Variants in DLGAP1 observed in about 807,000 individuals in gnomAD.
DLGAP1 encodes the protein disks large-associated protein 1.
DLGAP1 carries 11 observed loss-of-function variants against 90.8 expected under a neutral mutation model. The observed-to-expected ratio is 0.12, with a 90% CI of 0.08 to 0.20. DLGAP1 has a LOEUF of 0.20. DLGAP1 is among the 10% of genes least tolerant of loss of function. The probability of loss-of-function intolerance (pLI) is 1.00; values close to 1 mark genes in which losing one functional copy is unlikely to be tolerated. For missense variants in DLGAP1, 1,050 were observed against 1,333.8 expected (o/e 0.79, Z 3.31); for synonymous variants, 558 against 540.7 (o/e 1.03, Z -0.44).
intron 5 of DLGAP1, among the ~76,000 whole-genome samples, chr18:3,761,121 GGGTACAGTTCGGT>G (rs2063943869): frequency 5.3e-5 from 8 of 152,128 alleles, no homozygotes; most frequent in Admixed American, 5.2e-4. Context: ...ACCATTTTAA[GGGTACAGTTCGGT>G]GGCATTAAGG....
At chr18:4,249,599 T>C (rs1568471240) in intron 1 of DLGAP1, among the ~76,000 whole-genome samples, 1 of 152,186 alleles carries the variant, frequency 6.6e-6, no homozygotes, top group Admixed American at 6.5e-5. Context: ...ATTTATTTTT[T>C]TCTTTTGAGA....
intron 7 of DLGAP1, among the ~76,000 whole-genome samples, chr18:3,626,594 T>TTAAAAA (rs34579551): frequency 7.7e-6 from 1 of 130,550 alleles, no homozygotes; most frequent in Admixed American, 7.7e-5. Flanking sequence ...AAGAACCTGT[T>TTAAAAA]AAAAAAAAAA....
intron 2 of DLGAP1, among the ~76,000 whole-genome samples, chr18:4,079,758 A>T (rs1398691375): frequency 6.6e-6 from 1 of 151,900 alleles, no homozygotes; most frequent in African/African-American, 2.4e-5. Context: ...TTCTTCCCAT[A>T]GATACAACCC....
intron 5 of DLGAP1, among the ~76,000 whole-genome samples, chr18:3,758,306 C>A (rs1345892621): frequency 6.6e-6 from 1 of 152,114 alleles, no homozygotes; most frequent in Non-Finnish European, 1.5e-5. Flanking sequence ...TTGTCATTAA[C>A]TATTTGAAAG....
intron 2 of DLGAP1, among the ~76,000 whole-genome samples, chr18:4,014,814 A>C (rs1278150588): frequency 6.6e-6 from 1 of 152,180 alleles, no homozygotes; most frequent in Non-Finnish European, 1.5e-5. Context: ...CCCAGTAGAC[A>C]CTGCGGAAGT....
At chr18:3,839,299 G>A (rs550493989) in intron 4 of DLGAP1, among the ~76,000 whole-genome samples, 1 of 152,200 alleles carries the variant, frequency 6.6e-6, no homozygotes, top group African/African-American at 2.4e-5. Flanking sequence ...AAAATCAATA[G>A]ACTTATATTT....
chr18:3,801,986 T>G (rs1474754764), intron 5 of DLGAP1, among the ~76,000 whole-genome samples: 1 of 100,500 alleles, frequency 1.0e-5, no homozygotes, highest in Admixed American at 1.0e-4. Flanking sequence ...TTTGTTTGTT[T>G]GTTTGTTTGT....
chr18:4,260,119 G>T (rs2078974293), intron 1 of DLGAP1, among the ~76,000 whole-genome samples: 1 of 152,144 alleles, frequency 6.6e-6, no homozygotes, highest in African/African-American at 2.4e-5. Context: ...CTCCACCTCT[G>T]CCTAACATGA....
At chr18:4,372,742 C>A (rs2081941790) in intron 1 of DLGAP1, among the ~76,000 whole-genome samples, 1 of 151,990 alleles carries the variant, frequency 6.6e-6, no homozygotes, top group Non-Finnish European at 1.5e-5. Context: ...GCCTGGCCAA[C>A]ATGGTGAAAC....
intron 3 of DLGAP1, among the ~76,000 whole-genome samples, chr18:3,985,876 C>T (rs1434104548): frequency 6.6e-6 from 1 of 152,148 alleles, no homozygotes; most frequent in Non-Finnish European, 1.5e-5. Flanking sequence ...CTCTCTCCCT[C>T]CCCCAAGAGC....
intron 4 of DLGAP1, among the ~76,000 whole-genome samples, chr18:3,816,149 T>C (rs2067093832): frequency 6.6e-6 from 1 of 152,232 alleles, no homozygotes; most frequent in Admixed American, 6.5e-5. Flanking sequence ...CATATTTTTC[T>C]GTTTTTCTCA....
intron 3 of DLGAP1, among the ~76,000 whole-genome samples, chr18:3,885,721 T>A (rs1599106410): frequency 6.6e-6 from 1 of 152,222 alleles, no homozygotes; most frequent in Non-Finnish European, 1.5e-5. Flanking sequence ...ATTGTCCTTC[T>A]AAGTTCAATT....
chr18:4,035,002 T>C (rs2074864853), intron 2 of DLGAP1, among the ~76,000 whole-genome samples: 1 of 152,200 alleles, frequency 6.6e-6, no homozygotes, highest in Admixed American at 6.5e-5. Context: ...GCAAAGAACG[T>C]GAACTCATCC....
chr18:4,282,058 T>C (rs188325374), intron 1 of DLGAP1, among the ~76,000 whole-genome samples: 1 of 152,168 alleles, frequency 6.6e-6, no homozygotes, highest in East Asian at 1.9e-4. Flanking sequence ...TCTATGATAA[T>C]GTTTTCATTA....
chr18:3,801,061 G>C (rs1176815374), intron 5 of DLGAP1, among the ~76,000 whole-genome samples: 2 of 152,188 alleles, frequency 1.3e-5, no homozygotes, highest in Admixed American at 1.3e-4. Context: ...CACACGGTGA[G>C]AGCAAGGGAG....
intron 1 of DLGAP1, among the ~76,000 whole-genome samples, chr18:4,290,679 A>G (rs1269602165): frequency 6.6e-6 from 1 of 152,234 alleles, no homozygotes; most frequent in Non-Finnish European, 1.5e-5. Flanking sequence ...GTAAAACAAG[A>G]AAAGGCCATA....
intron 3 of DLGAP1, among the ~76,000 whole-genome samples, chr18:3,930,071 C>T (rs989974139): frequency 1.3e-5 from 2 of 152,166 alleles, no homozygotes; most frequent in African/African-American, 4.8e-5. Flanking sequence ...TTAAACAGAA[C>T]AAAAAGCAAA....
intron 1 of DLGAP1, among the ~76,000 whole-genome samples, chr18:4,292,018 C>G (rs1004582737): frequency 6.6e-6 from 1 of 152,114 alleles, no homozygotes; most frequent in African/African-American, 2.4e-5. Flanking sequence ...CACCGTGAAT[C>G]AGTAGATGCC....
In DLGAP1 at chr18:3,729,406, G is replaced by A. The variant is rs371004845; in HGVS notation, c.1351-31C>T. 5 of 1,591,708 alleles carry A rather than the reference G, an allele frequency of 3.1e-6. No homozygotes were observed. In the South Asian group the frequency reaches 3.4e-5, roughly 11 times the overall value. On this transcript the variant is annotated intron_variant, in intron 6 of 12. Transcript: ENST00000315677. This position sits in a 1 kb window ranked among gnomAD's most constrained non-coding sequence, Gnocchi z 6.2. Reference sequence around the variant, plus strand: ...GGCAGACACAGGCGTTGTGACACTCGCCTCCACCTGGTGGAGGATCAACCT... The same window carrying A: ...GGCAGACACAGGCGTTGTGACACTCACCTCCACCTGGTGGAGGATCAACCT...
Sources: gnomAD v4.1 joint callset for allele counts (sites outside exome capture counted in the v4.1 genomes callset) on GRCh38, gnomAD v4.1.1 for gene constraint, Gnocchi (gnomAD v3.1) non-coding constraint, MANE v1.5 for transcripts, NCBI Gene and HGNC (gene_info 2026-07-23, HGNC 2026-07-21) for gene names.